RALYL: variants seen among roughly 807,000 people sequenced by gnomAD.
RALYL encodes the protein RALY RNA binding protein like, also known as RNA-binding Raly-like protein.
Under a neutral mutation model 35.1 loss-of-function variants are expected in RALYL, and 29 were observed. The ratio of observed to expected loss-of-function variants is 0.83; its 90% CI spans 0.61 to 1.13. The LOEUF (loss-of-function observed/expected upper bound fraction) is 1.13, where lower values mean the gene tolerates loss of function less well. Among genes scored for constraint, RALYL ranks in the 50% most tolerant of loss-of-function variants. RALYL has a pLI of 0.00. For missense variants in RALYL, 359 were observed against 360.4 expected, an observed-to-expected ratio of 1.00 and a Z score of 0.03; for synonymous variants, 120 against 127.6, an observed-to-expected ratio of 0.94 and a Z score of 0.40.
chr8:84,628,351 T>C (rs554824473), intron 2 of RALYL, among the ~76,000 whole-genome samples: 14 of 152,186 alleles, frequency 9.2e-5, no homozygotes, highest in African/African-American at 3.1e-4. Flanking sequence ...CCTTCCTCAC[T>C]CCCTATCCCA....
intron 1 of RALYL, among the ~76,000 whole-genome samples, chr8:84,467,336 T>G (rs2051854833): frequency 6.6e-6 from 1 of 151,676 alleles, no homozygotes; most frequent in Non-Finnish European, 1.5e-5. Flanking sequence ...GATTCTGGTA[T>G]GTTGTGTCTT....
rs1554614840 is a variant in RALYL at position 84,311,090 on chromosome 8, A to AAAAAAAAAATAT, written c.-24+126667_-24+126668insAAAAAAAATATA. ...AAAAAAAAAAAAAAAAAAAAAAAAA[A>AAAAAAAAAATAT]ATGTATATTAATGTATAGTATAAAT... On this transcript the variant is annotated intron_variant, in intron 1 of 8. Coordinates refer to ENST00000521268, the MANE Select transcript of RALYL (RefSeq NM_173848.7). Among the ~76,000 whole-genome samples the AAAAAAAAAATAT allele has an allele frequency of 5.2e-4, 52 of 99,764 alleles. 2 individuals are homozygous for AAAAAAAAAATAT. Among genetic ancestry groups the AAAAAAAAAATAT allele is most frequent in the African/African-American group, 1.1e-3 (31 of 27,998 alleles). The allele number at this position is 99,764 out of a possible 152,430, so 65.4% of individuals were successfully genotyped here.
chr8:84,667,909 G>A (rs1049523916), intron 2 of RALYL, among the ~76,000 whole-genome samples: 1 of 152,154 alleles, frequency 6.6e-6, no homozygotes, highest in Non-Finnish European at 1.5e-5. Context: ...GTGCTTTTCT[G>A]AGAATGAGCA....
chr8:84,215,320 A>G (rs1398372858), intron 1 of RALYL, among the ~76,000 whole-genome samples: 1 of 152,120 alleles, frequency 6.6e-6, no homozygotes, highest in Non-Finnish European at 1.5e-5. Flanking sequence ...TATGATTCAA[A>G]TATGGAAACA....
chr8:84,794,440 T>TTGAA (rs1821458511), intron 3 of RALYL, among the ~76,000 whole-genome samples: 1 of 152,196 alleles, frequency 6.6e-6, no homozygotes, highest in African/African-American at 2.4e-5. Flanking sequence ...ACTAAGACAA[T>TTGAA]TGAAAGAGAC....
At chr8:84,415,422 T>C (rs1204015179) in intron 1 of RALYL, among the ~76,000 whole-genome samples, 1 of 152,032 alleles carries the variant, frequency 6.6e-6, no homozygotes, top group East Asian at 1.9e-4. Context: ...GTATCTTTAG[T>C]AGAGATGGGG....
chr8:84,543,539 A>G (rs1156525020), intron 2 of RALYL, among the ~76,000 whole-genome samples: 1 of 151,982 alleles, frequency 6.6e-6, no homozygotes, highest in Non-Finnish European at 1.5e-5. Context: ...GTTTCCTAGT[A>G]TTTTCTAAAG....
At chr8:84,382,607 A>T (rs1205792359) in intron 1 of RALYL, among the ~76,000 whole-genome samples, 3 of 151,766 alleles carry the variant, frequency 2.0e-5, no homozygotes, top group Non-Finnish European at 4.4e-5. Flanking sequence ...ATTTCTATTT[A>T]AAAATTAAAT....
intron 1 of RALYL, among the ~76,000 whole-genome samples, chr8:84,472,018 C>T (rs2133721899): frequency 6.6e-6 from 1 of 152,284 alleles, no homozygotes; most frequent in African/African-American, 2.4e-5. Flanking sequence ...TCAGTAGGAA[C>T]ACTTTCATTA....
At chr8:84,502,360 T>A (rs1029136396) in intron 1 of RALYL, among the ~76,000 whole-genome samples, 1 of 152,066 alleles carries the variant, frequency 6.6e-6, no homozygotes, top group East Asian at 1.9e-4. Context: ...AGTCTCACTC[T>A]GCATGAAGAA....
intron 1 of RALYL, among the ~76,000 whole-genome samples, chr8:84,421,904 G>A (rs2045668122): frequency 6.7e-6 from 1 of 150,258 alleles, no homozygotes; most frequent in East Asian, 2.0e-4. Flanking sequence ...AAGCCCACTT[G>A]ATCATGGTGG....
intron 4 of RALYL, among the ~76,000 whole-genome samples, chr8:84,826,423 C>T (rs553432750): frequency 1.8e-4 from 27 of 152,012 alleles, no homozygotes; most frequent in Non-Finnish European, 2.5e-4. Context: ...AACATAAGTT[C>T]CTAATACTCC....
At chr8:84,661,788 C>G (rs1375619368) in intron 2 of RALYL, among the ~76,000 whole-genome samples, 1 of 152,002 alleles carries the variant, frequency 6.6e-6, no homozygotes, top group Non-Finnish European at 1.5e-5. Flanking sequence ...TAAGGAAGCT[C>G]CACCTAAGTG....
At chr8:84,772,873 G>A (rs943614774) in intron 2 of RALYL, among the ~76,000 whole-genome samples, 3 of 151,896 alleles carry the variant, frequency 2.0e-5, no homozygotes, top group Non-Finnish European at 2.9e-5. Context: ...TAATATAGTG[G>A]GTGTCCTTTT....
chr8:84,912,806 T>C (rs1012026113), intron 8 of RALYL, among the ~76,000 whole-genome samples: 2 of 152,096 alleles, frequency 1.3e-5, no homozygotes, highest in African/African-American at 4.8e-5. Context: ...TTATTTAATG[T>C]GACCCTCAGG....
Position 84,494,616 on chromosome 8 carries a change from C to A in RALYL, c.-23-34683C>A, listed in dbSNP as rs139835962. ...TAGTTCTTGAAGAGCTCCTTCATGTCCCTTGTAGCTGTATTCCTAGATATT... is the reference window on the plus strand; with the variant it reads ...TAGTTCTTGAAGAGCTCCTTCATGTACCTTGTAGCTGTATTCCTAGATATT... On this transcript the variant is annotated intron_variant, in intron 1 of 8. Transcript: ENST00000521268. Among the ~76,000 whole-genome samples the A allele has an allele frequency of 4.2e-4, 64 of 152,158 alleles. 1 individual carries two copies. The East Asian group carries it at 8.5e-3, about 20-fold the overall frequency.
intron 1 of RALYL, among the ~76,000 whole-genome samples, chr8:84,348,540 G>T (rs1004637867): frequency 5.9e-5 from 9 of 151,994 alleles, no homozygotes; most frequent in Non-Finnish European, 8.8e-5. Flanking sequence ...TGTACAGAAG[G>T]GTCTGTATAA....
At chr8:84,591,742 C>T (rs984825828) in intron 2 of RALYL, among the ~76,000 whole-genome samples, 5 of 152,104 alleles carry the variant, frequency 3.3e-5, no homozygotes, top group African/African-American at 1.2e-4. Flanking sequence ...GGACTTGAGC[C>T]AGACCTGGTG....
intron 1 of RALYL, among the ~76,000 whole-genome samples, chr8:84,276,368 C>T (rs775969094): frequency 1.3e-5 from 2 of 152,172 alleles, no homozygotes; most frequent in Admixed American, 6.5e-5. Context: ...TGTGGCTCAG[C>T]AAATGGGATT....
Sources: gnomAD v4.1 joint callset for allele counts (sites outside exome capture counted in the v4.1 genomes callset) on GRCh38, gnomAD v4.1.1 for gene constraint, MANE v1.5 for transcripts, NCBI Gene and HGNC (gene_info 2026-07-23, HGNC 2026-07-21) for gene names.